VEPH1: variants seen among roughly 807,000 people sequenced by gnomAD.
The protein encoded by VEPH1 is ventricular zone-expressed PH domain-containing protein homolog 1.
VEPH1 carries 80 observed loss-of-function variants against 85.2 expected under a neutral mutation model. The observed-to-expected ratio is 0.94, with a 90% confidence interval of 0.78 to 1.13. The LOEUF is 1.13. Ranked by LOEUF, VEPH1 falls within the 50% of genes most tolerant of loss-of-function variation. The probability of loss-of-function intolerance (pLI) is 0.00; values close to 1 mark genes in which losing one functional copy is unlikely to be tolerated. For synonymous variants in VEPH1, 297 were observed against 348.0 expected (o/e 0.85, Z 1.63); for missense variants, 955 against 980.5 (o/e 0.97, Z 0.35).
intron 9 of VEPH1, among the ~76,000 whole-genome samples, chr3:157,330,841 G>A (rs573400523): frequency 1.3e-5 from 2 of 152,292 alleles, no homozygotes; most frequent in South Asian, 2.1e-4. Flanking sequence ...AGGCCACTAT[G>A]TTAACAGGCT....
In VEPH1 at chr3:157,413,883, C is replaced by T; in HGVS notation, c.904G>A (p.Glu302Lys). 6.2e-7 allele frequency: 1 copy of T among 1,612,888 alleles called. No homozygotes were observed. The highest frequency in any genetic ancestry group is 8.5e-7 in the Non-Finnish European group (1 of 1,179,202). ...RIYGAVGHVD[E>K]ERARSCLTYL... ...GGAGAGAAAAAAGCCAAACTTACTT[C>T]ATCCACATGCCCAACAGCTCCATAA... is the stretch of plus-strand genomic sequence containing the variant. Residue 302 changes from glutamate to lysine, a missense_variant and splice_region_variant, in exon 6 of 14, where the codon GAA (glutamate) becomes AAA (lysine). Glu to Lys is a moderately conservative substitution (Grantham distance 56). Coordinates refer to ENST00000362010, the MANE Select transcript of VEPH1 (RefSeq NM_001167912.2).
chr3:157,272,663 C>T (rs557326910), intron 12 of VEPH1, among the ~76,000 whole-genome samples: 2 of 151,876 alleles, frequency 1.3e-5, no homozygotes, highest in Middle Eastern at 3.4e-3. Context: ...TGGGGTTAGG[C>T]CATGTCGCCC....
intron 9 of VEPH1, among the ~76,000 whole-genome samples, chr3:157,325,634 A>G (rs2108573657): frequency 6.6e-6 from 1 of 152,236 alleles, no homozygotes; most frequent in South Asian, 2.1e-4. Context: ...AGGTTTGTCA[A>G]AGACCAGATG....
intron 11 of VEPH1, among the ~76,000 whole-genome samples, chr3:157,311,559 C>T (rs965853006): frequency 4.6e-5 from 7 of 152,148 alleles, no homozygotes; most frequent in Non-Finnish European, 7.3e-5. Context: ...TTCTATTACT[C>T]ATGAACAAAC....
At chr3:157,459,327 T>C (rs1221682226) in intron 4 of VEPH1, among the ~76,000 whole-genome samples, 1 of 152,144 alleles carries the variant, frequency 6.6e-6, no homozygotes, top group Non-Finnish European at 1.5e-5. Context: ...GGCTTGGGGA[T>C]TGGTCTGGAT....
At position 157,364,534 on chromosome 3, in the gene VEPH1, C is replaced by T. The variant is rs1726422840; in HGVS notation, c.1128-22G>A. On this transcript the variant is annotated intron_variant, in intron 7 of 13. Transcript: ENST00000362010. ...TCTCCTAAAGGAATATAAATCATTG[C>T]ATTAGATGCAGGTCATATATACTCT... 7 of 1,602,680 alleles carry T rather than the reference C, an allele frequency of 4.4e-6. No individual in the cohort carries two copies. The East Asian group carries it at 1.6e-4, about 36-fold the overall frequency.
intron 3 of VEPH1, among the ~76,000 whole-genome samples, chr3:157,462,166 TAAAC>T (rs1735936248): frequency 1.3e-5 from 2 of 150,906 alleles, no homozygotes; most frequent in South Asian, 4.2e-4. Context: ...ACAGAGGACT[TAAAC>T]AGACACGTTA....
chr3:157,440,095 T>C (rs1035782257), intron 4 of VEPH1, among the ~76,000 whole-genome samples: 2 of 152,186 alleles, frequency 1.3e-5, no homozygotes, highest in Non-Finnish European at 2.9e-5. Context: ...ATATGGTGAT[T>C]TTTTTCAGTG....
intron 9 of VEPH1, among the ~76,000 whole-genome samples, chr3:157,340,443 A>G (rs547541125): frequency 6.6e-6 from 1 of 152,326 alleles, no homozygotes; most frequent in Admixed American, 6.5e-5. Flanking sequence ...GCAGTCTGAG[A>G]TCAAACTGCA....
chr3:157,336,812 A>G (rs1348778019), intron 9 of VEPH1, among the ~76,000 whole-genome samples: 1 of 152,162 alleles, frequency 6.6e-6, no homozygotes, highest in African/African-American at 2.4e-5. Context: ...GTTTTATTGG[A>G]ACACAGTCAT....
At chr3:157,462,786 G>C (rs750707536) in intron 3 of VEPH1, among the ~76,000 whole-genome samples, 13 of 152,144 alleles carry the variant, frequency 8.5e-5, no homozygotes, top group Non-Finnish European at 1.5e-4. Flanking sequence ...GAACTGTCCA[G>C]GTGCTTCTAA....
intron 1 of VEPH1, among the ~76,000 whole-genome samples, chr3:157,502,764 A>T (rs1740215021): frequency 6.6e-6 from 1 of 152,124 alleles, no homozygotes; most frequent in Non-Finnish European, 1.5e-5. Context: ...AGATTTAATT[A>T]TGATTTGTAA....
chr3:157,294,782 C>A (rs1717922986), intron 11 of VEPH1, among the ~76,000 whole-genome samples: 2 of 152,104 alleles, frequency 1.3e-5, no homozygotes, highest in South Asian at 4.2e-4. Context: ...AAACTTGGGA[C>A]CTGGGCTAAA....
intron 5 of VEPH1, among the ~76,000 whole-genome samples, chr3:157,427,939 C>T (rs939286820): frequency 3.3e-5 from 5 of 152,102 alleles, no homozygotes; most frequent in Admixed American, 6.5e-5. Context: ...ACTGAGGGCC[C>T]GAATAGAACA....
chr3:157,462,693 G>A (rs1226903980), intron 3 of VEPH1, among the ~76,000 whole-genome samples: 1 of 152,084 alleles, frequency 6.6e-6, no homozygotes. Flanking sequence ...ATTTTTCTCT[G>A]ATCTTCATAT....
At chr3:157,437,864 C>T (rs761210095) in intron 4 of VEPH1, 2 of 1,500,842 alleles carry the variant, frequency 1.3e-6, no homozygotes, top group Non-Finnish European at 1.8e-6. Flanking sequence ...CAGACGCGAG[C>T]CGACCTGCAC....
intron 5 of VEPH1, among the ~76,000 whole-genome samples, chr3:157,418,997 A>G (rs1302668991): frequency 1.3e-5 from 2 of 152,178 alleles, no homozygotes; most frequent in African/African-American, 4.8e-5. Flanking sequence ...AGACGAATGG[A>G]ACAGAATAGA....
chr3:157,336,462 T>G (rs1577369858), intron 9 of VEPH1, among the ~76,000 whole-genome samples: 1 of 152,244 alleles, frequency 6.6e-6, no homozygotes, highest in South Asian at 2.1e-4. Flanking sequence ...TGGTATTACC[T>G]GGGCACTGCT....
chr3:157,359,159 A>G (rs1199010674), intron 9 of VEPH1, among the ~76,000 whole-genome samples: 1 of 152,226 alleles, frequency 6.6e-6, no homozygotes, highest in East Asian at 1.9e-4. Context: ...TCAAAGTAAC[A>G]TTGATAGGTT....
Sources: gnomAD v4.1 joint callset for allele counts (sites outside exome capture counted in the v4.1 genomes callset) on GRCh38, gnomAD v4.1.1 for gene constraint, MANE v1.5 for transcripts, NCBI Gene and HGNC (gene_info 2026-07-23, HGNC 2026-07-21) for gene names.